Variants in FAM83B observed in about 807,000 individuals in gnomAD.
FAM83B encodes scaffolding CK1 anchoring protein B, also known as protein FAM83B.
In FAM83B, 26 loss-of-function variants were observed where a neutral mutation model predicts 38.8. The observed-to-expected ratio is 0.67, with a 90% CI of 0.49 to 0.93. The LOEUF (loss-of-function observed/expected upper bound fraction) is 0.93, where lower values mean the gene tolerates loss of function less well. Ranked by LOEUF, FAM83B falls within the 40% of genes least tolerant of loss-of-function variation. FAM83B has a pLI of 0.00. For missense variants in FAM83B, 1,237 were observed against 1,197.3 expected (o/e 1.03, Z -0.49); for synonymous variants, 419 against 423.1 (o/e 0.99, Z 0.12).
At chr6:54,863,761 T>A (rs1771639277) in intron 1 of FAM83B, among the ~76,000 whole-genome samples, 1 of 152,222 alleles carries the variant, frequency 6.6e-6, no homozygotes, top group African/African-American at 2.4e-5. Context: ...TCATGTTGAT[T>A]TATTATTTTG....
At chr6:54,893,198 A>C (rs1772444702) in intron 2 of FAM83B, among the ~76,000 whole-genome samples, 1 of 152,188 alleles carries the variant, frequency 6.6e-6, no homozygotes, top group African/African-American at 2.4e-5. Flanking sequence ...GTGTGGTTGT[A>C]AGCCACTAAA....
intron 1 of FAM83B, among the ~76,000 whole-genome samples, chr6:54,866,467 A>G (rs1031106987): frequency 2.0e-5 from 3 of 152,098 alleles, no homozygotes; most frequent in African/African-American, 7.2e-5. Context: ...GCCTTTTTAT[A>G]GCCACATCTA....
chr6:54,940,796 C>A lies in FAM83B; in HGVS notation c.1825C>A (p.Pro609Thr). ...IPKLPLQSEA[P>T]KMHTLQVPEN... ...CAAGCTCCCATTGCAGTCAGAGGCA[C>A]CAAAAATGCACACCTTGCAGGTTCC... Residue 609 changes from proline (P) to threonine (T), a missense_variant, in exon 5 of 5, where the codon CCA becomes ACA. Transcript: ENST00000306858. 6.2e-7 allele frequency: 1 copy of A among 1,613,942 alleles called. No individual in the cohort carries two copies. The highest frequency in any genetic ancestry group is 8.5e-7 in the Non-Finnish European group (1 of 1,179,992).
intron 2 of FAM83B, among the ~76,000 whole-genome samples, chr6:54,909,868 T>G (rs191606690): frequency 1.3e-5 from 2 of 152,232 alleles, no homozygotes; most frequent in African/African-American, 4.8e-5. Context: ...TGAATTTTCT[T>G]AGAGAAAAGA....
intron 2 of FAM83B, among the ~76,000 whole-genome samples, chr6:54,916,239 C>T (rs775939641): frequency 3.7e-4 from 57 of 152,202 alleles, no homozygotes; most frequent in Middle Eastern, 6.8e-3. Context: ...TCTCTTTCTG[C>T]CTGCAGTGCC....
At chr6:54,889,661 AT>A (rs1288418313) in intron 2 of FAM83B, among the ~76,000 whole-genome samples, 1 of 152,114 alleles carries the variant, frequency 6.6e-6, no homozygotes, top group Non-Finnish European at 1.5e-5. Context: ...CAAAATTTGT[AT>A]TTTTTTAATT....
chr6:54,863,555 G>GACTTTTGTCATTTGGTCCTTGATTCT (rs60274215), intron 1 of FAM83B, among the ~76,000 whole-genome samples: 2 of 151,668 alleles, frequency 1.3e-5, no homozygotes, highest in African/African-American at 4.9e-5. Context: ...GCCAACCTGT[G>GACTTTTGTCATTTGGTCCTTGATTCT]ACTTCTCCAC....
At chr6:54,877,874 G>T (rs1292492755) in intron 2 of FAM83B, among the ~76,000 whole-genome samples, 1 of 152,170 alleles carries the variant, frequency 6.6e-6, no homozygotes, top group Non-Finnish European at 1.5e-5. Flanking sequence ...TTGAAGACCT[G>T]GTTGAGAGGG....
intron 2 of FAM83B, among the ~76,000 whole-genome samples, chr6:54,900,882 T>A (rs1772647000): frequency 6.6e-6 from 1 of 152,308 alleles, no homozygotes; most frequent in East Asian, 1.9e-4. Flanking sequence ...AAGCACTGTA[T>A]CCACATGTGT....
intron 1 of FAM83B, among the ~76,000 whole-genome samples, chr6:54,849,660 AT>A (rs1771225217): frequency 6.6e-6 from 1 of 151,960 alleles, no homozygotes; most frequent in Non-Finnish European, 1.5e-5. Flanking sequence ...TCACATGATC[AT>A]GAACGGTAGG....
chr6:54,884,182 G>A (rs1024444839), intron 2 of FAM83B, among the ~76,000 whole-genome samples: 1 of 151,836 alleles, frequency 6.6e-6, no homozygotes, highest in Non-Finnish European at 1.5e-5. Flanking sequence ...TGCGCCTGCA[G>A]TCCCAGCTAT....
chr6:54,907,547 A>G (rs1357103580), intron 2 of FAM83B, among the ~76,000 whole-genome samples: 1 of 152,116 alleles, frequency 6.6e-6, no homozygotes, highest in East Asian at 1.9e-4. Flanking sequence ...AGCTTTCAAC[A>G]TAAGGAGCCT....
At chr6:54,854,300 T>C (rs1340275817) in intron 1 of FAM83B, among the ~76,000 whole-genome samples, 1 of 152,250 alleles carries the variant, frequency 6.6e-6, no homozygotes, top group East Asian at 1.9e-4. Flanking sequence ...AGATTGACTC[T>C]AATTTTGAAA....
intron 1 of FAM83B, among the ~76,000 whole-genome samples, chr6:54,854,376 A>G (rs922658317): frequency 2.0e-5 from 3 of 152,234 alleles, no homozygotes; most frequent in Non-Finnish European, 4.4e-5. Context: ...CGTTTGTGAA[A>G]GGAAGAGTCA....
chr6:54,886,501 T>G (rs1772278562), intron 2 of FAM83B, among the ~76,000 whole-genome samples: 1 of 152,104 alleles, frequency 6.6e-6, no homozygotes, highest in Admixed American at 6.5e-5. Context: ...GTATTTGTTT[T>G]GTTTTTACTG....
intron 2 of FAM83B, among the ~76,000 whole-genome samples, chr6:54,871,555 C>CAATAAT (rs3064912): frequency 0.053 from 6,710 of 127,014 alleles, 192 homozygotes; most frequent in Non-Finnish European, 0.065. Flanking sequence ...CTCGTCTCTA[C>CAATAAT]AATAATAATA....
At chr6:54,902,468 G>T (rs1772681067) in intron 2 of FAM83B, among the ~76,000 whole-genome samples, 1 of 152,084 alleles carries the variant, frequency 6.6e-6, no homozygotes, top group Non-Finnish European at 1.5e-5. Context: ...TATGTTATTA[G>T]GAATTGTGCA....
At chr6:54,908,988 T>C (rs79044362) in intron 2 of FAM83B, among the ~76,000 whole-genome samples, 9,128 of 152,262 alleles carry the variant, frequency 0.06, 913 homozygotes, top group African/African-American at 0.2. Flanking sequence ...GTTTCTATGA[T>C]ATTTAACCTT....
chr6:54,912,317 C>T (rs1053949120), intron 2 of FAM83B, among the ~76,000 whole-genome samples: 11 of 151,062 alleles, frequency 7.3e-5, no homozygotes, highest in Admixed American at 6.6e-5. Flanking sequence ...ATGTAAAATA[C>T]GTAATAAACA....
Sources: gnomAD v4.1 joint callset for allele counts (sites outside exome capture counted in the v4.1 genomes callset) on GRCh38, gnomAD v4.1.1 for gene constraint, MANE v1.5 for transcripts, NCBI Gene and HGNC (gene_info 2026-07-23, HGNC 2026-07-21) for gene names.